The following ADAMTS2 variants were observed in gnomAD, a reference collection of about 807,000 sequenced individuals.
ADAMTS2 encodes the protein A disintegrin and metalloproteinase with thrombospondin motifs 2.
In ADAMTS2, 50 loss-of-function variants were observed where a neutral mutation model predicts 123.0. That is an observed-to-expected ratio of 0.41 (90% confidence interval 0.32 to 0.51). The LOEUF (loss-of-function observed/expected upper bound fraction) is 0.51. Ranked by LOEUF, ADAMTS2 falls within the 20% of genes least tolerant of loss-of-function variation. The pLI is 0.35. For synonymous variants in ADAMTS2, 678 were observed against 695.4 expected, an observed-to-expected ratio of 0.98 and a Z score of 0.39; for missense variants, 1,494 against 1,705.2, an observed-to-expected ratio of 0.88 and a Z score of 2.18.
rs1757019022 is a variant in ADAMTS2, at chr5:179,317,044, G to A, written c.534+26723C>T. Among the ~76,000 whole-genome samples the A allele has an allele frequency of 6.6e-6, 1 of 152,160 alleles. No individual in the cohort carries two copies. The highest frequency in any genetic ancestry group is 1.9e-4 in the East Asian group (1 of 5,188). Reference sequence around the variant, plus strand: ...AAGGATAGGGAAAGAACAAAAGAAGGAAAGAAAGAAATTCCAGCTAATTCT... The same window carrying A: ...AAGGATAGGGAAAGAACAAAAGAAGAAAAGAAAGAAATTCCAGCTAATTCT... On this transcript the variant is annotated intron_variant, in intron 2 of 21. Transcript: ENST00000251582. This position sits in a 1 kb window ranked among gnomAD's most constrained non-coding sequence, Gnocchi z 4.9.
In ADAMTS2 at chr5:179,162,702, C is replaced by T. The variant is rs551779060; in HGVS notation, c.976-3823G>A. Among the ~76,000 whole-genome samples the T allele has an allele frequency of 6.6e-6, 1 of 152,360 alleles. No individual in the cohort carries two copies. The highest frequency in any genetic ancestry group is 2.1e-4 in the South Asian group (1 of 4,832). On this transcript the variant is annotated intron_variant, in intron 5 of 21. Coordinates refer to ENST00000251582, the MANE Select transcript of ADAMTS2 (RefSeq NM_014244.5). This position sits in a 1 kb window ranked among gnomAD's most constrained non-coding sequence, Gnocchi z 5.1. ...GATAGAATCTCAGTCCCGCCTACCG[C>T]AGGGCATGGACATTAAGAGACTGGG...
chr5:179,301,369 T>C (rs1756512274), intron 2 of ADAMTS2, among the ~76,000 whole-genome samples: 1 of 152,212 alleles, frequency 6.6e-6, no homozygotes, highest in Non-Finnish European at 1.5e-5. Flanking sequence ...TTTACAGAGT[T>C]GTCAAGGGAT....
In ADAMTS2 at chr5:179,308,256, A is replaced by C. The variant is rs1226345827; in HGVS notation, c.535-35192T>G. On this transcript the variant is annotated intron_variant, in intron 2 of 21. Transcript: ENST00000251582. This position sits in a 1 kb window ranked among gnomAD's most constrained non-coding sequence, Gnocchi z 6.6. ...GAAGACAGGCGCTGAGAGTTGTCTG[A>C]CACAATTGTCTTAGCAGCAGGAGAC... Among the ~76,000 whole-genome samples, 1 of 152,192 alleles carries C rather than the reference A, an allele frequency of 6.6e-6. No homozygotes were observed. The highest frequency in any genetic ancestry group is 1.5e-5 in the Non-Finnish European group (1 of 68,032).
At chr5:179,204,950 G>A (rs1428369839) in intron 4 of ADAMTS2, among the ~76,000 whole-genome samples, 4 of 152,170 alleles carry the variant, frequency 2.6e-5, no homozygotes, top group African/African-American at 4.8e-5. Flanking sequence ...CAACAGACAC[G>A]GCCCAAATAC....
intron 10 of ADAMTS2, among the ~76,000 whole-genome samples, chr5:179,146,284 A>T (rs1561777066): frequency 6.6e-6 from 1 of 152,258 alleles, no homozygotes; most frequent in Non-Finnish European, 1.5e-5. Flanking sequence ...ATTGAGGGAA[A>T]TTCTTTCTTT....
At chr5:179,125,222 C>T in intron 18 of ADAMTS2, 42 bp from the exon 19 acceptor site, 1 of 1,590,092 alleles carries the variant, frequency 6.3e-7, no homozygotes, top group South Asian at 1.1e-5. Context: ...TCCGCAGCAC[C>T]TGGAGAACCT....
At chr5:179,135,780 G>A in intron 13 of ADAMTS2, 129 bp downstream of exon 13, 1 of 1,403,906 alleles carries the variant, frequency 7.1e-7, no homozygotes, top group Non-Finnish European at 9.8e-7. Context: ...CCCTGGTCCG[G>A]GCATTGTTTC....
chr5:179,235,539 C>A (rs1765503672), intron 3 of ADAMTS2, among the ~76,000 whole-genome samples: 1 of 152,232 alleles, frequency 6.6e-6, no homozygotes, highest in South Asian at 2.1e-4. Context: ...GCCCCTTTGT[C>A]TCAGGTCCTA....
At position 179,155,461 on chromosome 5, in the gene ADAMTS2, C is replaced by T. The variant is rs1324154077; in HGVS notation, c.1133-542G>A. ...CTAGCTAGACCTGTTTCCATAATGC[C>T]GCAGAAGGCTGCAAAGCTGTTCAGC... On this transcript the variant is annotated intron_variant, in intron 6 of 21. Transcript: ENST00000251582. This position sits in a 1 kb window ranked among gnomAD's most constrained non-coding sequence, Gnocchi z 5.1. 2.0e-5 allele frequency among the ~76,000 whole-genome samples: 3 copies of T among 152,192 alleles called. No homozygotes were observed. Among genetic ancestry groups the T allele is most frequent in the Admixed American group, 6.5e-5 (1 of 15,286 alleles).
intron 2 of ADAMTS2, among the ~76,000 whole-genome samples, chr5:179,293,125 G>T (rs1042274007): frequency 6.6e-6 from 1 of 152,144 alleles, no homozygotes; most frequent in African/African-American, 2.4e-5. Context: ...ACCTGAAGCC[G>T]CTCCTCCTTG....
intron 5 of ADAMTS2, among the ~76,000 whole-genome samples, chr5:179,177,032 T>C (rs554988920): frequency 2.1e-4 from 32 of 152,334 alleles, no homozygotes; most frequent in African/African-American, 7.5e-4. Context: ...GTCTCCTCCA[T>C]CCAGCCCTGA....
At chr5:179,330,132 CAAAA>C (rs58696442) in intron 2 of ADAMTS2, among the ~76,000 whole-genome samples, 2 of 96,886 alleles carry the variant, frequency 2.1e-5, no homozygotes, top group Non-Finnish European at 2.1e-5. Context: ...GACTCCGTCT[CAAAA>C]AAAAAAAAAA....
intron 4 of ADAMTS2, among the ~76,000 whole-genome samples, chr5:179,184,509 T>TCAAAAAAAAAAAAAAAAAAAAAAAAA (rs1290290563): frequency 2.2e-5 from 2 of 91,408 alleles, no homozygotes; most frequent in African/African-American, 9.2e-5. Context: ...AGACTCTGTC[T>TCAAAAAAAAAAAAAAAAAAAAAAAAA]AAAAAAAAAA....
intron 3 of ADAMTS2, among the ~76,000 whole-genome samples, chr5:179,249,010 T>G (rs1765863355): frequency 1.3e-5 from 2 of 152,022 alleles, no homozygotes. Context: ...CTCAATAACC[T>G]TAAAGAGACT....
intron 5 of ADAMTS2, among the ~76,000 whole-genome samples, chr5:179,174,938 T>C (rs1763900201): frequency 6.7e-6 from 1 of 149,760 alleles, no homozygotes; most frequent in Non-Finnish European, 1.5e-5. Context: ...TTGGAGGAAG[T>C]CTCTTCCTTG....
chr5:179,139,844 C>T (rs951052632), intron 11 of ADAMTS2, 46 bp downstream of exon 11: 1 of 1,609,388 alleles, frequency 6.2e-7, no homozygotes, highest in South Asian at 1.1e-5. Context: ...CTCCTGGACC[C>T]TCAGCTGCCA....
intron 10 of ADAMTS2, chr5:179,151,135 G>A (rs886303508): frequency 1.3e-4 from 48 of 380,480 alleles, no homozygotes; most frequent in African/African-American, 8.2e-4. Flanking sequence ...GACCTCAGGC[G>A]ATCCACCTAC....
chr5:179,330,281 G>A (rs1757448870), intron 2 of ADAMTS2, among the ~76,000 whole-genome samples: 1 of 152,198 alleles, frequency 6.6e-6, no homozygotes, highest in African/African-American at 2.4e-5. Context: ...GGGGAAGGCT[G>A]TGAGGACTCT....
intron 2 of ADAMTS2, among the ~76,000 whole-genome samples, chr5:179,342,965 C>T (rs982447421): frequency 3.3e-5 from 5 of 152,232 alleles, no homozygotes; most frequent in Non-Finnish European, 4.4e-5. Context: ...GATCCCCTAG[C>T]CTCTCTCTTG....
Sources: gnomAD v4.1 joint callset for allele counts (sites outside exome capture counted in the v4.1 genomes callset) on GRCh38, gnomAD v4.1.1 for gene constraint, Gnocchi (gnomAD v3.1) non-coding constraint, MANE v1.5 for transcripts, NCBI Gene and HGNC (gene_info 2026-07-23, HGNC 2026-07-21) for gene names.